SAFB: variants seen among roughly 807,000 people sequenced by gnomAD.
The protein encoded by SAFB is scaffold attachment factor B, also known as scaffold attachment factor B1.
SAFB carries 15 observed loss-of-function variants against 101.6 expected under a neutral mutation model. The ratio of observed to expected loss-of-function variants is 0.15; its 90% CI spans 0.10 to 0.23. The LOEUF is 0.23. Ranked by LOEUF, SAFB falls within the 10% of genes least tolerant of loss-of-function variation. The pLI, the probability that SAFB is intolerant of heterozygous loss-of-function variation, is 1.00. For synonymous variants in SAFB, 449 were observed against 407.5 expected, an observed-to-expected ratio of 1.10 and a Z score of -1.23; for missense variants, 930 against 1,104.1, an observed-to-expected ratio of 0.84 and a Z score of 2.23.
In SAFB at chr19:5,664,033, C is replaced by A; in HGVS notation, c.2165C>A (p.Ala722Asp). 1 of 1,613,850 alleles carries A rather than the reference C, an allele frequency of 6.2e-7. No homozygotes were observed. The highest frequency in any genetic ancestry group is 8.5e-7 in the Non-Finnish European group (1 of 1,179,954). ...RPYDLDRRDD[A>D]YWPEAKRAAL... The stretch of plus-strand genomic sequence containing the variant: ...ATGTCCCCTCACAGGCGAGATGATG[C>A]CTATTGGCCGGAAGCCAAGCGGGCC... Residue 722 changes from alanine (A) to aspartate (D), a missense_variant, in exon 16 of 21, where the codon GCC becomes GAC. Physicochemically the swap from Ala to Asp is moderately radical, Grantham distance 126 (BLOSUM62 -2). Transcript: ENST00000588852.
chr19:5,634,556 AC>A (rs1383697889), intron 2 of SAFB, among the ~76,000 whole-genome samples: 1 of 152,080 alleles, frequency 6.6e-6, no homozygotes, highest in Non-Finnish European at 1.5e-5. Flanking sequence ...AAATTTGGCT[AC>A]ATAAAAGTTT....
At chr19:5,662,415 A>C (rs1200764487) in intron 15 of SAFB, among the ~76,000 whole-genome samples, 2 of 151,590 alleles carry the variant, frequency 1.3e-5, no homozygotes, top group Non-Finnish European at 2.9e-5. Context: ...AATCGCGTGT[A>C]CCCAGGAGGC....
At chr19:5,631,316 C>T (rs1241856948) in intron 2 of SAFB, among the ~76,000 whole-genome samples, 2 of 152,244 alleles carry the variant, frequency 1.3e-5, no homozygotes, top group Non-Finnish European at 2.9e-5. Context: ...ATTAGTTTTA[C>T]CCATTCTAGA....
chr19:5,659,022 G>A (rs2054133074), intron 14 of SAFB, among the ~76,000 whole-genome samples: 2 of 152,024 alleles, frequency 1.3e-5, no homozygotes, highest in South Asian at 4.1e-4. Context: ...GTGCGTGCCT[G>A]TAATCCCAGC....
rs949787052 is a variant in SAFB at position 5,668,463 on chromosome 19, G to A, written c.*172G>A. 2.3e-5 allele frequency: 14 copies of A among 615,870 alleles called. 1 individual carries two copies. The highest frequency in any genetic ancestry group is 6.9e-5 in the South Asian group (3 of 43,522). 38.2% of individuals were successfully genotyped at this position (615,870 alleles called of 1,614,324 possible). A position where few individuals can be genotyped will look rare whatever the true frequency, so the allele number is the denominator to read the frequency against. Reference sequence around the variant, plus strand: ...TTTTTTTTGTAATAAATGTGTTTCCGTTCACATACCCTTTATTTAAAGTGT... The same window carrying A: ...TTTTTTTTGTAATAAATGTGTTTCCATTCACATACCCTTTATTTAAAGTGT... On this transcript the variant is annotated 3_prime_UTR_variant, in exon 21 of 21. Transcript: ENST00000588852.
At chr19:5,660,725 AAAAGAC>A (rs1209543602) in intron 14 of SAFB, among the ~76,000 whole-genome samples, 48 of 149,536 alleles carry the variant, frequency 3.2e-4, no homozygotes, top group African/African-American at 1.1e-3. Flanking sequence ...AAAAAAAAAA[AAAAGAC>A]AGCCTGGCTC....
At position 5,668,231 on chromosome 19, in the gene SAFB, G is replaced by A. The variant is rs1308317094; in HGVS notation, c.2694G>A (p.Gly898=). 1.9e-6 allele frequency: 3 copies of A among 1,610,740 alleles called. No homozygotes were observed. The highest frequency in any genetic ancestry group is 2.5e-6 in the Non-Finnish European group (3 of 1,179,294). The change falls in exon 21 of 21, where the codon GGG becomes GGA. Residue 898 remains glycine, a synonymous_variant. Coordinates refer to ENST00000588852, the MANE Select transcript of SAFB (RefSeq NM_001201338.2). ...TCCCACACGGTGGCATGCAGGGCGGGTTTGGAGGCCAGAGCCGGGGGAGCA... is the reference window on the plus strand; with the variant it reads ...TCCCACACGGTGGCATGCAGGGCGGATTTGGAGGCCAGAGCCGGGGGAGCA... ...HPIPHGGMQG[G]FGGQSRGSRP...
intron 2 of SAFB, among the ~76,000 whole-genome samples, chr19:5,632,474 A>C (rs930890850): frequency 1.8e-4 from 27 of 152,216 alleles, no homozygotes; most frequent in African/African-American, 6.3e-4. Context: ...ATTAACATTG[A>C]TACAATACTG....
At chr19:5,623,659 C>T (rs1428253598) in intron 1 of SAFB, among the ~76,000 whole-genome samples, 1 of 152,124 alleles carries the variant, frequency 6.6e-6, no homozygotes, top group Non-Finnish European at 1.5e-5. Context: ...GTGACATCGT[C>T]CACTGAGAGG....
rs1472183153 is a variant in SAFB at position 5,667,087 on chromosome 19, G to C, written c.2376G>C (p.Arg792=). The change falls in exon 18 of 21, where the codon CGG becomes CGC. Residue 792 remains arginine (R), a synonymous_variant. Transcript: ENST00000588852. This position sits in a 1 kb window ranked among gnomAD's most constrained non-coding sequence, Gnocchi z 4.0. The part of the protein sequence containing the change: ...ERHGGPERHG[R]DSRDGWGGYG... ...ATGGAGGACCAGAGCGCCACGGCCG[G>C]GACTCCCGCGATGGCTGGGGGGGCT... 6.2e-7 allele frequency: 1 copy of C among 1,612,796 alleles called. No individual in the cohort carries two copies. The highest frequency in any genetic ancestry group is 2.2e-5 in the East Asian group (1 of 44,880).
chr19:5,653,541 A>G, intron 11 of SAFB, 121 bp downstream of exon 11: 1 of 791,356 alleles, frequency 1.3e-6, no homozygotes, highest in Non-Finnish European at 2.1e-6. Flanking sequence ...ATCTCGGCTC[A>G]CCTCAACTCC....
At chr19:5,662,704 G>A (rs374870181) in intron 15 of SAFB, among the ~76,000 whole-genome samples, 12 of 149,124 alleles carry the variant, frequency 8.0e-5, no homozygotes, top group Admixed American at 2.7e-4. Flanking sequence ...GCAATGGCGC[G>A]ATCGCTGCTC....
At chr19:5,629,797 C>T (rs1220382255) in intron 2 of SAFB, among the ~76,000 whole-genome samples, 1 of 152,188 alleles carries the variant, frequency 6.6e-6, no homozygotes, top group African/African-American at 2.4e-5. Flanking sequence ...GTGGCTCACG[C>T]CTGTAATCCT....
chr19:5,632,258 C>G (rs2053505541), intron 2 of SAFB, among the ~76,000 whole-genome samples: 2 of 152,118 alleles, frequency 1.3e-5, no homozygotes, highest in African/African-American at 2.4e-5. Flanking sequence ...ACTTAAGTTG[C>G]AAGAATAATG....
At position 5,653,108 on chromosome 19, in the gene SAFB, C is replaced by T; in HGVS notation, c.1294-7C>T. The T allele has an allele frequency of 6.2e-7, 1 of 1,613,374 alleles. No homozygotes were observed. The highest frequency in any genetic ancestry group is 8.5e-7 in the Non-Finnish European group (1 of 1,180,024). ...GTCTGAGTCATATTTGCCTGCTTTCCTTTGAGGTGGTGGGCGCCAAGGTTG... is the reference window on the plus strand; with the variant it reads ...GTCTGAGTCATATTTGCCTGCTTTCTTTTGAGGTGGTGGGCGCCAAGGTTG... On this transcript the variant is annotated splice_polypyrimidine_tract_variant and splice_region_variant and intron_variant, in intron 9 of 20. Transcript: ENST00000588852.
chr19:5,629,722 C>G (rs1451225098), intron 2 of SAFB, among the ~76,000 whole-genome samples: 1 of 152,188 alleles, frequency 6.6e-6, no homozygotes, highest in Non-Finnish European at 1.5e-5. Flanking sequence ...GAATTCTAGA[C>G]TCCAAGGATA....
intron 8 of SAFB, 142 bp downstream of exon 8, chr19:5,650,117 GT>G: frequency 3.0e-6 from 2 of 667,676 alleles, no homozygotes; most frequent in Non-Finnish European, 5.3e-6. Flanking sequence ...CTTCTCTGCT[GT>G]TACCGCTACA....
In SAFB at chr19:5,664,153, T is replaced by C. The variant is rs776363469; in HGVS notation, c.2285T>C (p.Val762Ala). 6.2e-7 allele frequency: 1 copy of C among 1,613,796 alleles called. No homozygotes were observed. The highest frequency in any genetic ancestry group is 8.5e-7 in the Non-Finnish European group (1 of 1,179,978). ...CGCGGCCGCTACCCCGACCACTCGGTGGACAGGTCAGTTGGGCCCCTGCTG... is the reference window on the plus strand; with the variant it reads ...CGCGGCCGCTACCCCGACCACTCGGCGGACAGGTCAGTTGGGCCCCTGCTG... ...RDRGRYPDHS[V>A]DRREGSRSMM... The change falls in exon 16 of 21, where the codon GTG becomes GCG. Residue 762 changes from valine (V) to alanine (A), a missense_variant. By Grantham distance (64) the Val-to-Ala change is moderately conservative. This residue lies in a region of SAFB where 318 missense variants were observed against 342.6 expected (regional missense o/e 0.93). Coordinates refer to ENST00000588852, the MANE Select transcript of SAFB (RefSeq NM_001201338.2).
intron 4 of SAFB, 48 bp from the exon 5 acceptor site, chr19:5,645,289 A>G: frequency 1.3e-6 from 1 of 798,480 alleles, no homozygotes; most frequent in Non-Finnish European, 2.2e-6. Flanking sequence ...CCATTATGTT[A>G]CGTTATTGTT....
Sources: gnomAD v4.1 joint callset for allele counts (sites outside exome capture counted in the v4.1 genomes callset) on GRCh38, gnomAD v4.1.1 for gene constraint, gnomAD v4.1.1 regional missense constraint, Gnocchi (gnomAD v3.1) non-coding constraint, MANE v1.5 for transcripts, NCBI Gene and HGNC (gene_info 2026-07-23, HGNC 2026-07-21) for gene names.